The following NSD3 variants were observed in gnomAD, a reference collection of about 807,000 sequenced individuals.
The protein encoded by NSD3 is histone-lysine N-methyltransferase NSD3.
A neutral mutation model predicts 160.8 loss-of-function variants in NSD3; 24 were observed. The ratio of observed to expected loss-of-function variants is 0.15; its 90% CI spans 0.11 to 0.21. The LOEUF (loss-of-function observed/expected upper bound fraction) is 0.21, where lower values mean the gene tolerates loss of function less well. Among genes scored for constraint, NSD3 ranks in the 10% least tolerant of loss-of-function variants. The pLI is 1.00. For missense variants in NSD3, 1,157 were observed against 1,735.9 expected (o/e 0.67, Z 5.93); for synonymous variants, 520 against 600.0 (o/e 0.87, Z 1.95).
chr8:38,354,115 C>T (rs1316484165), intron 1 of NSD3, among the ~76,000 whole-genome samples: 1 of 152,206 alleles, frequency 6.6e-6, no homozygotes, highest in Non-Finnish European at 1.5e-5. Context: ...GTGATTGATT[C>T]TTCCCTCTTT....
intron 14 of NSD3, chr8:38,303,379 G>T: frequency 3.0e-6 from 3 of 985,422 alleles, no homozygotes; most frequent in Non-Finnish European, 3.6e-6. Flanking sequence ...AGGTTTCAGA[G>T]CAGGATACAT....
intron 1 of NSD3, among the ~76,000 whole-genome samples, chr8:38,361,814 A>G (rs1266572230): frequency 2.0e-5 from 3 of 151,014 alleles, no homozygotes; most frequent in Admixed American, 2.0e-4. Flanking sequence ...ATGACAAAGG[A>G]AAATATCCAG....
intron 1 of NSD3, among the ~76,000 whole-genome samples, chr8:38,364,611 G>C (rs1260536229): frequency 6.6e-6 from 1 of 151,992 alleles, no homozygotes; most frequent in South Asian, 2.1e-4. Flanking sequence ...AAATGCTATG[G>C]GTCCTTTTAC....
chr8:38,290,814 A>G lies in NSD3; in HGVS notation c.2916-137T>C. The G allele has an allele frequency of 4.1e-6, 3 of 723,790 alleles. No homozygotes were observed. In the South Asian group the frequency reaches 5.8e-5, roughly 14 times the overall value. The allele number at this position is 723,790 out of a possible 1,614,324, so 44.8% of individuals were successfully genotyped here. A position where few individuals can be genotyped will look rare whatever the true frequency, so the allele number is the denominator to read the frequency against. ...ATTCTAAGAACATAAAATACCACAC[A>G]TCATTATAAAAAGTAATTAATGAAA... On this transcript the variant is annotated intron_variant, in intron 16 of 23. Coordinates refer to ENST00000317025, the MANE Select transcript of NSD3 (RefSeq NM_023034.2).
rs1554528130 is a variant in NSD3 at position 38,349,665 on chromosome 8, T to TTTTATA, written c.-44-1451_-44-1450insTATAAA. Among the ~76,000 whole-genome samples, 9 of 109,810 alleles carry TTTTATA rather than the reference T, an allele frequency of 8.2e-5. No individual in the cohort carries two copies. In the Admixed American group the frequency reaches 9.1e-4, roughly 11 times the overall value. The allele number at this position is 109,810 out of a possible 152,430, so 72.0% of individuals were successfully genotyped here. ...TATTTTTTTATTGTAATTTCTTTCT[T>TTTTATA]TATATATATATATATATATATATAT... On this transcript the variant is annotated intron_variant, in intron 1 of 23. Coordinates refer to ENST00000317025, the MANE Select transcript of NSD3 (RefSeq NM_023034.2).
chr8:38,375,296 T>C (rs1174244647), intron 1 of NSD3, among the ~76,000 whole-genome samples: 1 of 152,064 alleles, frequency 6.6e-6, no homozygotes, highest in Non-Finnish European at 1.5e-5. Flanking sequence ...GTTATCACTG[T>C]AGATCAGTTA....
intron 12 of NSD3, among the ~76,000 whole-genome samples, chr8:38,310,843 G>A (rs1371382554): frequency 6.6e-6 from 1 of 151,936 alleles, no homozygotes; most frequent in African/African-American, 2.4e-5. Context: ...TATATACCCA[G>A]AGTGAAATTG....
chr8:38,278,674 T>C (rs1318291089), intron 21 of NSD3, among the ~76,000 whole-genome samples: 5 of 152,240 alleles, frequency 3.3e-5, no homozygotes, highest in Non-Finnish European at 4.4e-5. Flanking sequence ...ACCAAAGTGA[T>C]AGGGTCTAAG....
At position 38,274,823 on chromosome 8, in the gene NSD3, A is replaced by G. The variant is rs1381914670; in HGVS notation, c.*818T>C. The G allele has an allele frequency of 5.8e-6, 1 of 173,298 alleles. No individual in the cohort carries two copies. The highest frequency in any genetic ancestry group is 1.0e-4 in the East Asian group (1 of 9,618). 10.7% of individuals were successfully genotyped at this position (173,298 alleles called of 1,614,324 possible). On this transcript the variant is annotated 3_prime_UTR_variant, in exon 24 of 24. Transcript: ENST00000317025. ...GAAAATAGGAGTGACCATTCCAACT[A>G]TGCTTCATATCCACAGAAACGCACT...
chr8:38,276,258 A>G, intron 23 of NSD3, 38 bp downstream of exon 23: 3 of 1,602,580 alleles, frequency 1.9e-6, no homozygotes, highest in Non-Finnish European at 2.6e-6. Context: ...GTTGGCAAAG[A>G]CACAAATTAG....
intron 1 of NSD3, among the ~76,000 whole-genome samples, chr8:38,361,161 T>C (rs1437856768): frequency 5.9e-5 from 9 of 152,008 alleles, no homozygotes; most frequent in Admixed American, 5.9e-4. Flanking sequence ...GCCCAGCTAA[T>C]TTTTGTATTA....
chr8:38,357,643 C>A (rs749102952), intron 1 of NSD3, among the ~76,000 whole-genome samples: 1 of 152,054 alleles, frequency 6.6e-6, no homozygotes, highest in African/African-American at 2.4e-5. Flanking sequence ...ATATTCTATG[C>A]GTGCCTCTCA....
intron 15 of NSD3, among the ~76,000 whole-genome samples, chr8:38,297,335 T>C (rs1433623788): frequency 7.2e-5 from 11 of 152,202 alleles, no homozygotes; most frequent in Admixed American, 7.2e-4. Flanking sequence ...GTATTTCTAA[T>C]ATGTATTTCA....
intron 16 of NSD3, among the ~76,000 whole-genome samples, chr8:38,293,655 G>C (rs1385305657): frequency 6.6e-6 from 1 of 151,714 alleles, no homozygotes; most frequent in Admixed American, 6.6e-5. Flanking sequence ...GGGCACAGTG[G>C]CTCACATCTG....
In NSD3 at chr8:38,317,060, T is replaced by A. The variant is rs1024275796; in HGVS notation, c.1856-1018A>T. 4 of 1,060,138 alleles carry A rather than the reference T, an allele frequency of 3.8e-6. No homozygotes were observed. Among genetic ancestry groups the A allele is most frequent in the Non-Finnish European group, 3.4e-6 (3 of 876,180 alleles). 65.7% of individuals were successfully genotyped at this position (1,060,138 alleles called of 1,614,324 possible). A position where few individuals can be genotyped will look rare whatever the true frequency, so the allele number is the denominator to read the frequency against. On this transcript the variant is annotated intron_variant, in intron 9 of 23. Transcript: ENST00000317025. This position sits in a 1 kb window ranked among gnomAD's most constrained non-coding sequence, Gnocchi z 5.3. Reference sequence around the variant, plus strand: ...AGACATCTAGATCAACCCAGCAAGCTATGGTGGAAGTGTGCAGTCCAGAAG... The same window carrying A: ...AGACATCTAGATCAACCCAGCAAGCAATGGTGGAAGTGTGCAGTCCAGAAG...
intron 16 of NSD3, among the ~76,000 whole-genome samples, chr8:38,293,720 C>T (rs1428659652): frequency 1.3e-5 from 2 of 149,442 alleles, no homozygotes; most frequent in Admixed American, 6.7e-5. Flanking sequence ...GTCAGGAGTT[C>T]GAGACCAGCC....
chr8:38,305,376 C>G lies in NSD3; in HGVS notation c.2312G>C (p.Gly771Ala). The change falls in exon 13 of 24, where the codon GGG becomes GCG. Residue 771 changes from glycine to alanine, a missense_variant. By Grantham distance (60) the Gly-to-Ala change is moderately conservative. Around this residue, in one of 10 missense-constraint regions of NSD3, gnomAD observed 437 missense variants for 576.6 expected, o/e 0.76. Transcript: ENST00000317025. ...DVKRCSVGAC[G>A]KFYHEACVRK... is the part of the protein sequence containing the mutation. ...GACACAGGCTTCATGATAAAATTTC[C>G]CACAAGCACCAACAGAACAACGCTT... 6.2e-7 allele frequency: 1 copy of G among 1,614,100 alleles called. No individual in the cohort carries two copies. The highest frequency in any genetic ancestry group is 8.5e-7 in the Non-Finnish European group (1 of 1,180,016).
intron 22 of NSD3, among the ~76,000 whole-genome samples, chr8:38,278,031 C>T (rs1049059540): frequency 7.2e-5 from 11 of 151,912 alleles, no homozygotes; most frequent in Non-Finnish European, 1.3e-4. Flanking sequence ...CTCCGCATCC[C>T]GGGTTCACGC....
chr8:38,284,716 T>C (rs1397548107), intron 19 of NSD3, among the ~76,000 whole-genome samples: 3 of 152,226 alleles, frequency 2.0e-5, no homozygotes, highest in African/African-American at 7.2e-5. Context: ...TGGAAACTCA[T>C]AGAGGAGAAT....
Sources: allele counts gnomAD v4.1 joint callset (sites outside exome capture counted in the v4.1 genomes callset), GRCh38; gene constraint gnomAD v4.1.1; regional missense constraint gnomAD v4.1.1; non-coding constraint Gnocchi (gnomAD v3.1); transcripts MANE v1.5; gene names NCBI Gene and HGNC (gene_info 2026-07-23, HGNC 2026-07-21).